CCDC73: variants seen among roughly 807,000 people sequenced by gnomAD.
The protein encoded by CCDC73 is coiled-coil domain-containing protein 73.
CCDC73 carries 95 observed loss-of-function variants against 116.5 expected under a neutral mutation model. That is an observed-to-expected ratio of 0.82 (90% CI 0.69 to 0.97). The LOEUF (loss-of-function observed/expected upper bound fraction) is 0.97, where lower values mean the gene tolerates loss of function less well. CCDC73 is among the 50% of genes least tolerant of loss of function. CCDC73 has a pLI of 0.00. For synonymous variants in CCDC73, 398 were observed against 401.3 expected, an observed-to-expected ratio of 0.99 and a Z score of 0.10; for missense variants, 1,066 against 1,206.8, an observed-to-expected ratio of 0.88 and a Z score of 1.73.
At chr11:32,609,635 C>G (rs1387119421) in intron 17 of CCDC73, among the ~76,000 whole-genome samples, 2 of 152,178 alleles carry the variant, frequency 1.3e-5, no homozygotes, top group Non-Finnish European at 2.9e-5. Context: ...CAGCAACACT[C>G]TGCTCCTGGT....
chr11:32,605,883 C>A (rs969656446), intron 17 of CCDC73: 7 of 152,146 alleles, frequency 4.6e-5, no homozygotes, highest in Admixed American at 4.6e-4. Context: ...TCACCTGTTT[C>A]TCTTTCAGCC....
chr11:32,749,854 T>C (rs1850271480), intron 2 of CCDC73, among the ~76,000 whole-genome samples: 1 of 150,654 alleles, frequency 6.6e-6, no homozygotes, highest in Non-Finnish European at 1.5e-5. Flanking sequence ...GGACTCATTC[T>C]CTCCTCTTAC....
intron 9 of CCDC73, among the ~76,000 whole-genome samples, chr11:32,657,651 C>G (rs116513399): frequency 6.6e-6 from 1 of 151,950 alleles, no homozygotes; most frequent in Non-Finnish European, 1.5e-5. Flanking sequence ...GATCAGTAGG[C>G]TATAAAGAGA....
chr11:32,830,493 T>TTTG, the CCDC73 span: 1 of 1,458,368 alleles, frequency 6.9e-7, no homozygotes, highest in Non-Finnish European at 9.1e-7. Flanking sequence ...TAATATTTTT[T>TTTG]TTTGTTTGTT....
At chr11:32,755,536 AATATATATATATAT>A (rs375204188) in intron 2 of CCDC73, among the ~76,000 whole-genome samples, 1 of 59,916 alleles carries the variant, frequency 1.7e-5, no homozygotes, top group Non-Finnish European at 3.2e-5. Context: ...TCCATCTCAA[AATATATATATATAT>A]ATATATATAT....
intron 2 of CCDC73, among the ~76,000 whole-genome samples, chr11:32,753,184 T>C (rs539046109): frequency 1.3e-5 from 2 of 152,216 alleles, no homozygotes; most frequent in Non-Finnish European, 2.9e-5. Flanking sequence ...TATCCAGCCA[T>C]CTTTTCCTTT....
intron 6 of CCDC73, among the ~76,000 whole-genome samples, chr11:32,690,534 G>A (rs1040708508): frequency 6.6e-6 from 1 of 152,132 alleles, no homozygotes; most frequent in Non-Finnish European, 1.5e-5. Flanking sequence ...TGGATAATGG[G>A]GGCAGTTTCT....
rs1250755379 is a variant in CCDC73 at position 32,641,914 on chromosome 11, T to C, written c.1050+58A>G. 2.5e-6 allele frequency: 3 copies of C among 1,193,114 alleles called. No homozygotes were observed. In the African/African-American group the frequency reaches 4.8e-5, roughly 19 times the overall value. The allele number at this position is 1,193,114 out of a possible 1,614,324, so 73.9% of individuals were successfully genotyped here. ...AATATTTTCTTAGCATTTATAGTTA[T>C]TTTAAATGTCTAAAACTATTTAAAA... On this transcript the variant is annotated intron_variant, in intron 13 of 17. Transcript: ENST00000335185.
rs375253497 is a variant in CCDC73, at chr11:32,723,566, T to C, written c.136-5419A>G. Reference sequence around the variant, plus strand: ...GCTGCTTGGACACGTGCCTGGCGTATGTACCTAAATCTGTTCAGGGTCAAG... The same window carrying C: ...GCTGCTTGGACACGTGCCTGGCGTACGTACCTAAATCTGTTCAGGGTCAAG... On this transcript the variant is annotated intron_variant, in intron 2 of 17. Coordinates refer to ENST00000335185, the MANE Select transcript of CCDC73 (RefSeq NM_001008391.4). Among the ~76,000 whole-genome samples the C allele has an allele frequency of 2.0e-5, 3 of 152,320 alleles. No individual in the cohort carries two copies. In the East Asian group the frequency reaches 5.8e-4, roughly 29 times the overall value.
intron 14 of CCDC73, among the ~76,000 whole-genome samples, chr11:32,631,198 T>A (rs1855627929): frequency 6.6e-6 from 1 of 152,196 alleles, no homozygotes; most frequent in African/African-American, 2.4e-5. Context: ...ACACAATCTG[T>A]AAGGATAGAG....
chr11:32,765,413 C>T (rs1850432150), intron 1 of CCDC73, among the ~76,000 whole-genome samples: 1 of 152,190 alleles, frequency 6.6e-6, no homozygotes, highest in Admixed American at 6.5e-5. Flanking sequence ...AACAAACTGT[C>T]TCTCAAACCA....
intron 13 of CCDC73, among the ~76,000 whole-genome samples, chr11:32,636,186 C>T (rs898875057): frequency 2.0e-5 from 3 of 152,038 alleles, no homozygotes; most frequent in East Asian, 1.9e-4. Context: ...TATTAAACTA[C>T]CTCTTGTCTC....
intron 13 of CCDC73, among the ~76,000 whole-genome samples, chr11:32,639,145 C>T (rs1855708441): frequency 1.4e-5 from 2 of 141,924 alleles, no homozygotes; most frequent in South Asian, 4.8e-4. Flanking sequence ...GAGACTCCAT[C>T]TTCCCCGACA....
intron 14 of CCDC73, among the ~76,000 whole-genome samples, chr11:32,628,491 A>G (rs1855597431): frequency 6.6e-6 from 1 of 152,204 alleles, no homozygotes; most frequent in Non-Finnish European, 1.5e-5. Context: ...CCACAAGCTG[A>G]GCAATTTCCA....
chr11:32,795,299 G>C (rs1267246195), upstream of CCDC73, among the ~76,000 whole-genome samples: 1 of 151,624 alleles, frequency 6.6e-6, no homozygotes, highest in Non-Finnish European at 1.5e-5. Context: ...TGAGACCCCC[G>C]TCTCTACCCA....
chr11:32,776,993 A>ATATATATATATATATATATACATG, intron 1 of CCDC73, among the ~76,000 whole-genome samples: 1 of 38,906 alleles, frequency 2.6e-5, no homozygotes, highest in African/African-American at 1.1e-4. Flanking sequence ...ACACATGTAT[A>ATATATATATATATATATATACATG]TATATATATA....
chr11:32,776,639 C>T (rs1363782643), intron 1 of CCDC73, among the ~76,000 whole-genome samples: 1 of 151,922 alleles, frequency 6.6e-6, no homozygotes, highest in African/African-American at 2.4e-5. Context: ...CCACAATAAC[C>T]CTTCCATTTT....
At chr11:32,759,327 C>CTTTT (rs1208029392) in intron 2 of CCDC73, among the ~76,000 whole-genome samples, 23 of 129,940 alleles carry the variant, frequency 1.8e-4, no homozygotes, top group Non-Finnish European at 2.6e-4. Flanking sequence ...ACATTTTTTC[C>CTTTT]TTTTTTTTTT....
chr11:32,751,488 A>T (rs1181406017), intron 2 of CCDC73, among the ~76,000 whole-genome samples: 3 of 152,180 alleles, frequency 2.0e-5, no homozygotes, highest in Admixed American at 6.5e-5. Flanking sequence ...ACTCAAGTTC[A>T]AACCACTGGG....
Sources: gnomAD v4.1 joint callset for allele counts (sites outside exome capture counted in the v4.1 genomes callset) on GRCh38, gnomAD v4.1.1 for gene constraint, MANE v1.5 for transcripts, NCBI Gene and HGNC (gene_info 2026-07-23, HGNC 2026-07-21) for gene names.